The following SYTL5 variants were observed in gnomAD, a reference collection of about 807,000 sequenced individuals.
The protein encoded by SYTL5 is synaptotagmin-like protein 5.
Under a neutral mutation model 55.9 loss-of-function variants are expected in SYTL5, and 34 were observed. The observed-to-expected ratio is 0.61, with a 90% confidence interval of 0.46 to 0.81. The LOEUF (loss-of-function observed/expected upper bound fraction) is 0.81, where lower values mean the gene tolerates loss of function less well. Ranked by LOEUF, SYTL5 falls within the 30% of genes least tolerant of loss-of-function variation. SYTL5 has a pLI of 0.00. For synonymous variants in SYTL5, 221 were observed against 188.7 expected (o/e 1.17, Z -1.40); for missense variants, 637 against 546.7 (o/e 1.17, Z -1.65).
chrX:38,124,263 T>C lies in SYTL5; in HGVS notation c.1842-1035T>C, dbSNP rs1424062065. 2.7e-5 allele frequency among the ~76,000 whole-genome samples: 3 copies of C among 111,900 alleles called. 1 individual carries two copies. Among genetic ancestry groups the C allele is most frequent in the Middle Eastern group, 8.3e-3 (2 of 240 alleles). ...CTGCAAGGGAGGTTGGGAAATGTAG[T>C]CTTTATTCTGGGCAACACTGTGCTC... On this transcript the variant is annotated intron_variant, in intron 15 of 16. Coordinates refer to ENST00000297875, the MANE Select transcript of SYTL5 (RefSeq NM_138780.3).
At chrX:38,073,753 A>AATGAAGACTCCTTAATTTTTCAAGTTTG in intron 5 of SYTL5, 55 bp downstream of exon 5, 1 of 851,599 alleles carries the variant, frequency 1.2e-6, no homozygotes, top group Non-Finnish European at 1.6e-6. Flanking sequence ...ACACCTCTGA[A>AATGAAGACTCCTTAATTTTTCAAGTTTG]ATGAAGACTC....
chrX:37,924,255 T>G, the SYTL5 span, among the ~76,000 whole-genome samples: 1 of 111,624 alleles, frequency 9.0e-6, no homozygotes, highest in Non-Finnish European at 1.9e-5. Context: ...CCATCAGTCA[T>G]GGGTTCAAAT....
At chrX:38,120,303 C>T in intron 13 of SYTL5, 55 bp from the exon 14 acceptor site, 1 of 875,081 alleles carries the variant, frequency 1.1e-6, no homozygotes, top group African/African-American at 2.0e-5. Context: ...ATGTGGACTA[C>T]AATACTAAGC....
At chrX:37,959,854 C>T in the SYTL5 span, among the ~76,000 whole-genome samples, 1 of 111,972 alleles carries the variant, frequency 8.9e-6, no homozygotes, top group Non-Finnish European at 1.9e-5. Context: ...TGACAACTCT[C>T]TGCCTGGGCC....
intron 1 of SYTL5, among the ~76,000 whole-genome samples, chrX:38,033,268 G>A (rs942053083): frequency 2.7e-5 from 3 of 111,463 alleles, no homozygotes; most frequent in East Asian, 5.6e-4. Context: ...CAAGAGTGGC[G>A]ACGTGATGCA....
At chrX:38,102,244 A>G (rs1937104072) in intron 9 of SYTL5, 98 bp from the exon 10 acceptor site, 3 of 541,578 alleles carry the variant, frequency 5.5e-6, no homozygotes, top group Admixed American at 3.2e-5. Flanking sequence ...TTTTTATCTG[A>G]TTCTCAAATA....
the SYTL5 span, among the ~76,000 whole-genome samples, chrX:37,956,806 A>G: frequency 1.8e-5 from 2 of 111,877 alleles, no homozygotes; most frequent in African/African-American, 3.3e-5. Context: ...GTAAATACCC[A>G]GAAGTGGGAT....
At chrX:38,019,791 A>G (rs1934482964) in intron 1 of SYTL5, among the ~76,000 whole-genome samples, 1 of 110,470 alleles carries the variant, frequency 9.1e-6, no homozygotes, top group Non-Finnish European at 1.9e-5. Context: ...GTGTGCCACC[A>G]TGCCCAACTA....
At chrX:37,923,795 A>G in the SYTL5 span, among the ~76,000 whole-genome samples, 1 of 111,574 alleles carries the variant, frequency 9.0e-6, no homozygotes, top group Non-Finnish European at 1.9e-5. Flanking sequence ...TTAAGTGCTT[A>G]TGATTTAACT....
At position 38,089,445 on chromosome X, in the gene SYTL5, G is replaced by A; in HGVS notation, c.690-1G>A. 8.3e-7 allele frequency: 1 copy of A among 1,204,903 alleles called. No individual in the cohort carries two copies. The highest frequency in any genetic ancestry group is 1.7e-5 in the African/African-American group (1 of 57,415). On this transcript the variant is annotated splice_acceptor_variant, in intron 6 of 16. Transcript: ENST00000297875. LOFTEE classifies it high-confidence loss of function. ...AAGTCAGAATATGCTTTCTCATTTA[G>A]GGGAAGCACTGGCTCATCAGATCTC...
At chrX:38,045,372 C>A (rs1935427581) in intron 2 of SYTL5, among the ~76,000 whole-genome samples, 1 of 112,333 alleles carries the variant, frequency 8.9e-6, no homozygotes, top group Admixed American at 9.4e-5. Context: ...AGTTCTTCCT[C>A]GTATTTCTGT....
At chrX:37,932,932 C>T in the SYTL5 span, among the ~76,000 whole-genome samples, 2 of 111,215 alleles carry the variant, frequency 1.8e-5, no homozygotes, top group Non-Finnish European at 3.8e-5. Flanking sequence ...GCATGATGGT[C>T]TCGGGGTAGT....
the SYTL5 span, among the ~76,000 whole-genome samples, chrX:37,910,707 C>T: frequency 6.9e-4 from 77 of 112,030 alleles, no homozygotes; most frequent in African/African-American, 2.1e-3. Flanking sequence ...TAATGGACAT[C>T]GGAATCACCT....
At chrX:37,973,009 T>A in the SYTL5 span, among the ~76,000 whole-genome samples, 1 of 111,817 alleles carries the variant, frequency 8.9e-6, no homozygotes. Flanking sequence ...GTTGCCTTGC[T>A]CTTAGTTGAT....
chrX:38,114,585 T>A (rs181279832), intron 13 of SYTL5, among the ~76,000 whole-genome samples: 1 of 112,057 alleles, frequency 8.9e-6, no homozygotes, highest in East Asian at 2.8e-4. Flanking sequence ...ATATTTATCA[T>A]GTAAAATATG....
intron 3 of SYTL5, among the ~76,000 whole-genome samples, chrX:38,063,855 T>A (rs1936021773): frequency 1.8e-5 from 2 of 111,888 alleles, no homozygotes; most frequent in Admixed American, 1.9e-4. Context: ...GCCATGACAT[T>A]CTTATACATA....
chrX:38,059,239 A>G (rs911844553), intron 3 of SYTL5, among the ~76,000 whole-genome samples: 1 of 111,350 alleles, frequency 9.0e-6, no homozygotes, highest in Non-Finnish European at 1.9e-5. Flanking sequence ...TAAATTATAG[A>G]TCTGTTATCT....
At chrX:38,023,311 T>C (rs1210006690) in intron 1 of SYTL5, among the ~76,000 whole-genome samples, 2 of 112,110 alleles carry the variant, frequency 1.8e-5, no homozygotes, top group African/African-American at 3.2e-5. Context: ...CTTCTTACTC[T>C]AGTCAGTCAC....
intron 2 of SYTL5, among the ~76,000 whole-genome samples, chrX:38,036,856 A>T (rs1377745142): frequency 8.9e-6 from 1 of 112,038 alleles, no homozygotes; most frequent in Admixed American, 9.4e-5. Flanking sequence ...GATTGTTCTA[A>T]GGATTAAATA....
Sources: gnomAD v4.1 joint callset for allele counts (sites outside exome capture counted in the v4.1 genomes callset) on GRCh38, gnomAD v4.1.1 for gene constraint, MANE v1.5 for transcripts, NCBI Gene and HGNC (gene_info 2026-07-23, HGNC 2026-07-21) for gene names.